The following CDYL2 variants were observed in gnomAD, a reference collection of about 807,000 sequenced individuals.
CDYL2 encodes chromodomain Y like 2.
Under a neutral mutation model 49.4 loss-of-function variants are expected in CDYL2, and 23 were observed. The observed-to-expected ratio is 0.47, with a 90% confidence interval of 0.34 to 0.66. CDYL2 has a LOEUF of 0.66. CDYL2 is among the 30% of genes least tolerant of loss of function. The pLI is 0.01. For missense variants in CDYL2, 678 were observed against 656.4 expected, an observed-to-expected ratio of 1.03 and a Z score of -0.36; for synonymous variants, 360 against 268.8, an observed-to-expected ratio of 1.34 and a Z score of -3.32.
intron 1 of CDYL2, among the ~76,000 whole-genome samples, chr16:80,770,826 A>T (rs1346311655): frequency 6.6e-6 from 1 of 152,220 alleles, no homozygotes; most frequent in Non-Finnish European, 1.5e-5. Flanking sequence ...ATTTTGTCTC[A>T]TTCTTAAAAA....
At chr16:80,774,824 G>A (rs1222005403) in intron 1 of CDYL2, among the ~76,000 whole-genome samples, 1 of 151,570 alleles carries the variant, frequency 6.6e-6, no homozygotes, top group Non-Finnish European at 1.5e-5. Context: ...AAAAATAAAG[G>A]TAAGAGTAGT....
At chr16:80,717,146 G>A (rs932493504) in intron 1 of CDYL2, among the ~76,000 whole-genome samples, 130 of 147,902 alleles carry the variant, frequency 8.8e-4, no homozygotes, top group African/African-American at 3.1e-3. Flanking sequence ...GGACTGGATC[G>A]ATAGATGGAT....
intron 1 of CDYL2, among the ~76,000 whole-genome samples, chr16:80,787,129 C>T (rs780411695): frequency 6.6e-6 from 1 of 151,938 alleles, no homozygotes; most frequent in Non-Finnish European, 1.5e-5. Flanking sequence ...TCCAAACAGT[C>T]GCTTTAAATA....
intron 1 of CDYL2, among the ~76,000 whole-genome samples, chr16:80,688,189 C>T (rs1272854897): frequency 3.3e-5 from 5 of 152,168 alleles, no homozygotes; most frequent in African/African-American, 4.8e-5. Context: ...TTATGGGGGA[C>T]ATCAAGGCTA....
chr16:80,629,669 C>T (rs1018432598), intron 3 of CDYL2, among the ~76,000 whole-genome samples: 6 of 152,118 alleles, frequency 3.9e-5, no homozygotes, highest in Non-Finnish European at 8.8e-5. Flanking sequence ...TACAGCAAAC[C>T]CACTAGCTTC....
At chr16:80,759,689 C>T (rs1438303201) in intron 1 of CDYL2, among the ~76,000 whole-genome samples, 2 of 151,966 alleles carry the variant, frequency 1.3e-5, no homozygotes, top group African/African-American at 4.8e-5. Context: ...AATGTATAAC[C>T]ATAAAGATGC....
chr16:80,647,784 A>G (rs1908416074), intron 2 of CDYL2, among the ~76,000 whole-genome samples: 1 of 152,198 alleles, frequency 6.6e-6, no homozygotes, highest in South Asian at 2.1e-4. Flanking sequence ...TTTAATTCAC[A>G]AAACAAGTCT....
At chr16:80,759,206 T>A (rs889049683) in intron 1 of CDYL2, among the ~76,000 whole-genome samples, 1 of 145,774 alleles carries the variant, frequency 6.9e-6, no homozygotes, top group Admixed American at 6.9e-5. Flanking sequence ...ATTTGATATG[T>A]TAATCTACCT....
chr16:80,665,787 C>T (rs982273181), intron 2 of CDYL2, among the ~76,000 whole-genome samples: 12 of 152,088 alleles, frequency 7.9e-5, no homozygotes, highest in African/African-American at 2.9e-4. Context: ...ACCAAGATGG[C>T]AGGTGAAAAA....
At chr16:80,782,214 T>C (rs533839606) in intron 1 of CDYL2, among the ~76,000 whole-genome samples, 1 of 151,882 alleles carries the variant, frequency 6.6e-6, no homozygotes, top group Non-Finnish European at 1.5e-5. Context: ...TATTTTAAAA[T>C]GCTATAAATA....
chr16:80,669,628 G>A (rs1315303291), intron 2 of CDYL2, among the ~76,000 whole-genome samples: 1 of 152,154 alleles, frequency 6.6e-6, no homozygotes, highest in East Asian at 1.9e-4. Flanking sequence ...ATCGAGAGAG[G>A]CCAAGCAGGA....
chr16:80,624,805 G>C (rs1170758567), intron 3 of CDYL2, among the ~76,000 whole-genome samples: 2 of 152,204 alleles, frequency 1.3e-5, no homozygotes, highest in East Asian at 1.9e-4. Context: ...GAAAAACAAA[G>C]TCATGGACAT....
rs920538594 is a variant in CDYL2 at position 80,692,859 on chromosome 16, G to A, written c.25-7730C>T. On this transcript the variant is annotated intron_variant, in intron 1 of 6. Coordinates refer to ENST00000570137, the MANE Select transcript of CDYL2 (RefSeq NM_152342.4). ...CAATTACTTTCAAGAAAGAACACAC[G>A]CCCATAAAATGACACGATCAATGAT... 3.9e-5 allele frequency among the ~76,000 whole-genome samples: 6 copies of A among 152,192 alleles called. No homozygotes were observed. The East Asian group carries it at 7.7e-4, about 20-fold the overall frequency.
chr16:80,731,102 T>C (rs1347743303), intron 1 of CDYL2, among the ~76,000 whole-genome samples: 4 of 152,180 alleles, frequency 2.6e-5, no homozygotes, highest in East Asian at 1.9e-4. Flanking sequence ...GTACAAATTG[T>C]TGTACATAAA....
At position 80,604,180 on chromosome 16, in the gene CDYL2, G is replaced by A. The variant is rs895192379; in HGVS notation, c.*208C>T. The stretch of plus-strand genomic sequence containing the variant: ...ACAGCTCTCTGGCCAGGAAGGGCAG[G>A]GAGGTGGGGGAGGCCAAGTATGCTG... On this transcript the variant is annotated 3_prime_UTR_variant, in exon 7 of 7. Transcript: ENST00000570137. The A allele has an allele frequency of 1.7e-6, 1 of 598,440 alleles. No homozygotes were observed. Among genetic ancestry groups the A allele is most frequent in the Non-Finnish European group, 2.9e-6 (1 of 339,296 alleles). 37.1% of individuals were successfully genotyped at this position (598,440 alleles called of 1,614,324 possible).
chr16:80,707,871 G>A (rs964648131), intron 1 of CDYL2, among the ~76,000 whole-genome samples: 3 of 152,186 alleles, frequency 2.0e-5, no homozygotes, highest in African/African-American at 7.2e-5. Context: ...TGTACACTGG[G>A]AAAATTCCAG....
At chr16:80,682,827 C>G (rs1910022387) in intron 2 of CDYL2, among the ~76,000 whole-genome samples, 1 of 152,206 alleles carries the variant, frequency 6.6e-6, no homozygotes, top group Non-Finnish European at 1.5e-5. Context: ...CCCACTTCTC[C>G]CCGAGAGATG....
At chr16:80,666,917 G>T (rs992275014) in intron 2 of CDYL2, among the ~76,000 whole-genome samples, 5 of 152,222 alleles carry the variant, frequency 3.3e-5, no homozygotes, top group African/African-American at 4.8e-5. Context: ...TGATACAGCT[G>T]TGAACAAAAA....
chr16:80,684,977 G>A lies in CDYL2; in HGVS notation c.177C>T (p.His59=). The A allele has an allele frequency of 1.2e-6, 2 of 1,614,214 alleles. No individual in the cohort carries two copies. Among genetic ancestry groups the A allele is most frequent in the Non-Finnish European group, 1.7e-6 (2 of 1,180,042 alleles). Residue 59 remains histidine (H), a synonymous_variant, in exon 2 of 7, where the codon CAC becomes CAT. Coordinates refer to ENST00000570137, the MANE Select transcript of CDYL2 (RefSeq NM_152342.4). ...EEFIDEFNGL[H]MSKDKRIKSG... ...ACTTGATCCTCTTGTCCTTGGACAT[G>A]TGCAACCCATTGAATTCATCAATAA... is the stretch of plus-strand genomic sequence containing the variant.
Sources: gnomAD v4.1 joint callset for allele counts (sites outside exome capture counted in the v4.1 genomes callset) on GRCh38, gnomAD v4.1.1 for gene constraint, MANE v1.5 for transcripts, NCBI Gene and HGNC (gene_info 2026-07-23, HGNC 2026-07-21) for gene names.